CBLN2: variants seen among roughly 807,000 people sequenced by gnomAD.
CBLN2 encodes the protein cerebellin-2.
Under a neutral mutation model 15.0 loss-of-function variants are expected in CBLN2, and 7 were observed. The ratio of observed to expected loss-of-function variants is 0.47; its 90% CI spans 0.27 to 0.88. CBLN2 has a LOEUF of 0.88. Ranked by LOEUF, CBLN2 falls within the 40% of genes least tolerant of loss-of-function variation. The pLI is 0.14. For missense variants in CBLN2, 242 were observed against 304.5 expected (o/e 0.79, Z 1.53); for synonymous variants, 149 against 135.2 (o/e 1.10, Z -0.71).
intron 1 of CBLN2, among the ~76,000 whole-genome samples, chr18:72,587,697 A>C (rs2069453053): frequency 6.6e-6 from 1 of 152,208 alleles, no homozygotes; most frequent in Non-Finnish European, 1.5e-5. Flanking sequence ...AAATCAATTT[A>C]AATTATGTAG....
At chr18:72,626,099 T>C (rs563354328) in intron 1 of CBLN2, among the ~76,000 whole-genome samples, 114 of 152,022 alleles carry the variant, frequency 7.5e-4, no homozygotes, top group Non-Finnish European at 1.4e-3. Context: ...CTGGGATTCA[T>C]TCATGGCAGC....
chr18:72,549,629 T>C (rs2069179527), intron 1 of CBLN2, among the ~76,000 whole-genome samples: 1 of 152,210 alleles, frequency 6.6e-6, no homozygotes, highest in Admixed American at 6.5e-5. Context: ...TTCTATACAA[T>C]TATTCCAAAA....
chr18:72,548,044 A>G (rs1367993), upstream of CBLN2, among the ~76,000 whole-genome samples: 112,629 of 152,178 alleles, frequency 0.74, 47,249 homozygotes, highest in Non-Finnish European at 0.95. Context: ...AAGGTTTAGG[A>G]AAGAACCATC....
intron 1 of CBLN2, among the ~76,000 whole-genome samples, chr18:72,616,106 G>C (rs2069659723): frequency 6.6e-6 from 1 of 152,096 alleles, no homozygotes; most frequent in Non-Finnish European, 1.5e-5. Flanking sequence ...TATGTTCCTG[G>C]AAAATAATCA....
chr18:72,577,535 A>G (rs1298457936), intron 1 of CBLN2, among the ~76,000 whole-genome samples: 1 of 152,206 alleles, frequency 6.6e-6, no homozygotes, highest in Non-Finnish European at 1.5e-5. Flanking sequence ...ATTGAGAAAA[A>G]CAATTGCAGG....
At chr18:72,597,945 T>A (rs1357947764) in intron 1 of CBLN2, among the ~76,000 whole-genome samples, 2 of 152,124 alleles carry the variant, frequency 1.3e-5, no homozygotes, top group African/African-American at 4.8e-5. Flanking sequence ...AGACTTGGGT[T>A]CCCCTTTGGC....
upstream of CBLN2, among the ~76,000 whole-genome samples, chr18:72,548,380 T>C (rs143672001): frequency 4.3e-3 from 649 of 152,342 alleles, 8 homozygotes; most frequent in African/African-American, 0.015. Context: ...ATACTTGATA[T>C]TAATTCTTGA....
chr18:72,609,428 G>A (rs1006144452), intron 1 of CBLN2, among the ~76,000 whole-genome samples: 1 of 152,062 alleles, frequency 6.6e-6, no homozygotes, highest in African/African-American at 2.4e-5. Context: ...ACAAGAAGAA[G>A]ATGGCCATTC....
intron 1 of CBLN2, among the ~76,000 whole-genome samples, chr18:72,581,985 C>T (rs1031970423): frequency 6.6e-6 from 1 of 152,164 alleles, no homozygotes; most frequent in Non-Finnish European, 1.5e-5. Context: ...TTCTCGTCTT[C>T]ACACCATTTA....
chr18:72,607,420 T>C lies in CBLN2; in HGVS notation c.15+30905A>G, dbSNP rs147504825. On this transcript the variant is annotated intron_variant, in intron 1 of 2. Transcript: ENST00000581073. The stretch of plus-strand genomic sequence containing the variant: ...CACTCAGGAGTTAATGAGCATCTTT[T>C]CTAAGGAGAAAGAATAGCAACTGTT... Among the ~76,000 whole-genome samples the C allele has an allele frequency of 2.6e-5, 4 of 152,310 alleles. No homozygotes were observed. The East Asian group carries it at 7.7e-4, about 29-fold the overall frequency.
At chr18:72,634,426 C>T (rs892309047) in intron 1 of CBLN2, among the ~76,000 whole-genome samples, 14 of 151,916 alleles carry the variant, frequency 9.2e-5, no homozygotes, top group African/African-American at 3.4e-4. Flanking sequence ...CTATGTGATA[C>T]ATATGATACT....
chr18:72,607,621 G>A (rs752106831), intron 1 of CBLN2, among the ~76,000 whole-genome samples: 1 of 151,958 alleles, frequency 6.6e-6, no homozygotes, highest in Non-Finnish European at 1.5e-5. Context: ...TTTTCCTTAA[G>A]TGTATCACCA....
chr18:72,631,694 A>G (rs147156964), intron 1 of CBLN2, among the ~76,000 whole-genome samples: 282 of 152,136 alleles, frequency 1.9e-3, no homozygotes, highest in African/African-American at 6.5e-3. Context: ...CCAAAACCCA[A>G]CCCTCATAAA....
In CBLN2 at chr18:72,538,279, AGCAGC is replaced by A. The variant is rs2069082503; in HGVS notation, c.567_571del (p.Leu190HisfsTer12). 6.2e-7 allele frequency: 1 copy of A among 1,613,966 alleles called. No individual in the cohort carries two copies. The highest frequency in any genetic ancestry group is 1.3e-5 in the African/African-American group (1 of 74,884). ...ATGCACTTTGTCTTCCCTTTCCATG[AGCAGC>A]AGCACGCCATTGCTAGCAGCTTCTC... is the stretch of plus-strand genomic sequence containing the variant. On this transcript the variant is annotated frameshift_variant, in exon 5 of 5. Coordinates refer to ENST00000269503, the MANE Select transcript of CBLN2 (RefSeq NM_182511.4). LOFTEE classifies it high-confidence loss of function.
rs1414353722 is a variant in CBLN2 at position 72,541,881 on chromosome 18, C to T, written c.280G>A (p.Ala94Thr). The change falls in exon 3 of 5, where the codon GCC (alanine) becomes ACC (threonine). Residue 94 changes from alanine (A) to threonine (T), a missense_variant. Ala to Thr is a moderately conservative substitution (Grantham distance 58). This residue lies in a region of CBLN2 where 89 missense variants were observed against 114.2 expected (regional missense o/e 0.78). Coordinates refer to ENST00000269503, the MANE Select transcript of CBLN2 (RefSeq NM_182511.4). ...TTGGTGCTCCGCGTGGCGGAGAAGGCCACCTTGGCGCTGCCGGAGCGCACG... is the reference window on the plus strand; with the variant it reads ...TTGGTGCTCCGCGTGGCGGAGAAGGTCACCTTGGCGCTGCCGGAGCGCACG... The part of the protein sequence containing the change: ...ISVRSGSAKV[A>T]FSATRSTNHE... The T allele has an allele frequency of 1.2e-6, 2 of 1,606,324 alleles. No individual in the cohort carries two copies. The highest frequency in any genetic ancestry group is 1.7e-6 in the Non-Finnish European group (2 of 1,178,312).
In CBLN2 at chr18:72,543,807, C is replaced by A. The variant is rs980278627; in HGVS notation, c.-212+170G>T. On this transcript the variant is annotated intron_variant, in intron 1 of 4. Transcript: ENST00000269503. This position sits in a 1 kb window ranked among gnomAD's most constrained non-coding sequence, Gnocchi z 6.8. ...GCCCGCACCGCTGCCTGGGGCCCCT[C>A]GAGCTCCCGCGCTCAGCGCGTCCGC... 6.6e-5 allele frequency among the ~76,000 whole-genome samples: 10 copies of A among 151,968 alleles called. No homozygotes were observed. Among genetic ancestry groups the A allele is most frequent in the South Asian group, 4.1e-4 (2 of 4,830 alleles).
chr18:72,632,913 A>G (rs2069786528), intron 1 of CBLN2, among the ~76,000 whole-genome samples: 1 of 152,184 alleles, frequency 6.6e-6, no homozygotes, highest in South Asian at 2.1e-4. Context: ...CACCCCTGGT[A>G]ATTAGTACAG....
Position 72,539,748 on chromosome 18 carries a change from T to A in CBLN2, c.358-976A>T, listed in dbSNP as rs751424650. 2.0e-5 allele frequency: 3 copies of A among 152,262 alleles called. No individual in the cohort carries two copies. In the East Asian group the frequency reaches 5.8e-4, roughly 29 times the overall value. 9.4% of individuals were successfully genotyped at this position (152,262 alleles called of 1,614,324 possible). ...TGCTCAACACAGACTCTGGCCACTT[T>A]GTCTGGATGCTGTCTCCATCCTCCT... is the stretch of plus-strand genomic sequence containing the variant. On this transcript the variant is annotated intron_variant, in intron 3 of 4. Coordinates refer to ENST00000269503, the MANE Select transcript of CBLN2 (RefSeq NM_182511.4).
chr18:72,580,593 A>G (rs1205824227), intron 1 of CBLN2, among the ~76,000 whole-genome samples: 1 of 152,168 alleles, frequency 6.6e-6, no homozygotes, highest in Non-Finnish European at 1.5e-5. Flanking sequence ...ACACATATAT[A>G]TATATACATT....
Sources: allele counts gnomAD v4.1 joint callset (sites outside exome capture counted in the v4.1 genomes callset), GRCh38; gene constraint gnomAD v4.1.1; regional missense constraint gnomAD v4.1.1; non-coding constraint Gnocchi (gnomAD v3.1); transcripts MANE v1.5; gene names NCBI Gene and HGNC (gene_info 2026-07-23, HGNC 2026-07-21).